The following TAFA4 variants were observed in gnomAD, a reference collection of about 807,000 sequenced individuals.
The protein encoded by TAFA4 is TAFA chemokine like family member 4.
A neutral mutation model predicts 21.1 loss-of-function variants in TAFA4; 20 were observed. The ratio of observed to expected loss-of-function variants is 0.95; its 90% CI spans 0.67 to 1.38. TAFA4 has a LOEUF of 1.38. Among genes scored for constraint, TAFA4 ranks in the 40% most tolerant of loss-of-function variants. The probability of loss-of-function intolerance (pLI) is 0.00; values close to 1 mark genes in which losing one functional copy is unlikely to be tolerated. For missense variants in TAFA4, 211 were observed against 180.9 expected (o/e 1.17, Z -0.95); for synonymous variants, 71 against 67.4 (o/e 1.05, Z -0.26).
At chr3:68,822,596 C>A (rs541867886) in intron 3 of TAFA4, among the ~76,000 whole-genome samples, 2 of 152,148 alleles carry the variant, frequency 1.3e-5, no homozygotes, top group African/African-American at 4.8e-5. Context: ...CTCGGCCTCC[C>A]GAGTAGCCTG....
intron 4 of TAFA4, among the ~76,000 whole-genome samples, chr3:68,749,125 T>C (rs1702514685): frequency 6.6e-6 from 1 of 152,196 alleles, no homozygotes; most frequent in South Asian, 2.1e-4. Flanking sequence ...CCCCAATGTA[T>C]ATTAAAGACC....
intron 1 of TAFA4, among the ~76,000 whole-genome samples, chr3:68,899,478 T>C (rs781702992): frequency 9.2e-5 from 14 of 151,358 alleles, no homozygotes; most frequent in South Asian, 2.1e-4. Flanking sequence ...TTTGACATCA[T>C]TGACTCAGAT....
intron 3 of TAFA4, among the ~76,000 whole-genome samples, chr3:68,816,346 G>A (rs549161298): frequency 6.6e-6 from 1 of 152,000 alleles, no homozygotes; most frequent in Non-Finnish European, 1.5e-5. Context: ...TCCAATCCAT[G>A]AGCATGGGAT....
chr3:68,778,278 A>G (rs1234200841), intron 3 of TAFA4, among the ~76,000 whole-genome samples: 1 of 152,244 alleles, frequency 6.6e-6, no homozygotes, highest in East Asian at 1.9e-4. Context: ...AAACTTCAGA[A>G]AAGAGGATTA....
At chr3:68,818,164 T>C (rs1400918466) in intron 3 of TAFA4, among the ~76,000 whole-genome samples, 1 of 152,220 alleles carries the variant, frequency 6.6e-6, no homozygotes, top group Non-Finnish European at 1.5e-5. Flanking sequence ...TACTTCATCC[T>C]GCAGTTTTCA....
intron 3 of TAFA4, among the ~76,000 whole-genome samples, chr3:68,791,096 A>C (rs564334551): frequency 6.6e-6 from 1 of 152,330 alleles, no homozygotes; most frequent in South Asian, 2.1e-4. Context: ...AACCAACTTA[A>C]GTATCTGACC....
At chr3:68,832,156 C>T (rs1559536748) in intron 3 of TAFA4, among the ~76,000 whole-genome samples, 1 of 152,082 alleles carries the variant, frequency 6.6e-6, no homozygotes, top group East Asian at 1.9e-4. Context: ...CTTGTTATTA[C>T]CCACCTTCTG....
intron 3 of TAFA4, among the ~76,000 whole-genome samples, chr3:68,838,558 T>A (rs1002727598): frequency 2.0e-5 from 3 of 152,114 alleles, no homozygotes; most frequent in African/African-American, 7.2e-5. Flanking sequence ...AGGTCAGGGG[T>A]CAGCAGACAT....
At chr3:68,827,794 T>C (rs138939529) in intron 3 of TAFA4, among the ~76,000 whole-genome samples, 42,309 of 152,190 alleles carry the variant, frequency 0.28, 6,741 homozygotes, top group Non-Finnish European at 0.37. Flanking sequence ...CCTTGTCAGA[T>C]GAGCAGATTG....
chr3:68,773,135 A>G (rs1357781697), intron 3 of TAFA4, among the ~76,000 whole-genome samples: 3 of 152,172 alleles, frequency 2.0e-5, no homozygotes, highest in Non-Finnish European at 4.4e-5. Flanking sequence ...ATATTGTGCA[A>G]ATATTCAAGA....
intron 1 of TAFA4, among the ~76,000 whole-genome samples, chr3:68,921,852 T>A (rs547475132): frequency 1.3e-5 from 2 of 152,352 alleles, no homozygotes; most frequent in Admixed American, 1.3e-4. Flanking sequence ...GGTTACATGC[T>A]ACGTACAGCA....
At chr3:68,912,112 G>T (rs9845941) in intron 1 of TAFA4, among the ~76,000 whole-genome samples, 5,853 of 152,178 alleles carry the variant, frequency 0.038, 389 homozygotes, top group African/African-American at 0.13. Flanking sequence ...GGGAGAGTCA[G>T]TCTGTTATTT....
At chr3:68,777,418 G>C (rs1023089612) in intron 3 of TAFA4, among the ~76,000 whole-genome samples, 1 of 152,026 alleles carries the variant, frequency 6.6e-6, no homozygotes, top group Admixed American at 6.6e-5. Context: ...GCCAAATGTG[G>C]ATACTGCACA....
chr3:68,922,902 G>C lies in TAFA4; in HGVS notation c.-123+9338C>G, dbSNP rs528912347. Among the ~76,000 whole-genome samples, 275 of 152,232 alleles carry C rather than the reference G, an allele frequency of 1.8e-3. 1 individual carries two copies. Among genetic ancestry groups the C allele is most frequent in the African/African-American group, 6.3e-3 (263 of 41,546 alleles). ...CAGAGCTTGGTGCTCCATTGTAAAA[G>C]GATTAACTAACATGCTAGGCCAGTA... On this transcript the variant is annotated intron_variant, in intron 1 of 5. Coordinates refer to ENST00000295569, the MANE Select transcript of TAFA4 (RefSeq NM_182522.5).
chr3:68,744,190 A>G (rs1702410108), intron 4 of TAFA4, among the ~76,000 whole-genome samples: 1 of 152,226 alleles, frequency 6.6e-6, no homozygotes, highest in Non-Finnish European at 1.5e-5. Flanking sequence ...ATTCAAAAGC[A>G]GTCTTGACAG....
chr3:68,776,724 A>T (rs955423875), intron 3 of TAFA4, among the ~76,000 whole-genome samples: 3 of 152,210 alleles, frequency 2.0e-5, no homozygotes, highest in African/African-American at 7.2e-5. Flanking sequence ...AGCACGTGTT[A>T]AGTTTATCAG....
intron 3 of TAFA4, among the ~76,000 whole-genome samples, chr3:68,868,264 C>T (rs1038541828): frequency 7.9e-5 from 12 of 151,792 alleles, no homozygotes; most frequent in Non-Finnish European, 1.5e-4. Context: ...CACTATATAA[C>T]GATAAAGGGG....
At chr3:68,782,999 T>C (rs1703179432) in intron 3 of TAFA4, among the ~76,000 whole-genome samples, 1 of 152,242 alleles carries the variant, frequency 6.6e-6, no homozygotes, top group Admixed American at 6.5e-5. Context: ...GTTGATTTAA[T>C]GTTAAAAATA....
chr3:68,760,066 G>C (rs1575598187), intron 3 of TAFA4, among the ~76,000 whole-genome samples: 1 of 152,014 alleles, frequency 6.6e-6, no homozygotes, highest in African/African-American at 2.4e-5. Context: ...CATATTTTCT[G>C]TTCAAAAAAG....
Sources: gnomAD v4.1 joint callset for allele counts (sites outside exome capture counted in the v4.1 genomes callset) on GRCh38, gnomAD v4.1.1 for gene constraint, MANE v1.5 for transcripts, NCBI Gene and HGNC (gene_info 2026-07-23, HGNC 2026-07-21) for gene names.